Variants in PPP2R2C observed in about 807,000 individuals in gnomAD.
The protein encoded by PPP2R2C is protein phosphatase 2, regulatory subunit B, gamma.
A neutral mutation model predicts 45.3 loss-of-function variants in PPP2R2C; 10 were observed. That is an observed-to-expected ratio of 0.22 (90% CI 0.14 to 0.37). The LOEUF is 0.37. Ranked by LOEUF, PPP2R2C falls within the 10% of genes least tolerant of loss-of-function variation. The probability of loss-of-function intolerance (pLI) is 1.00; values close to 1 mark genes in which losing one functional copy is unlikely to be tolerated. For missense variants in PPP2R2C, 308 were observed against 619.7 expected, an observed-to-expected ratio of 0.50 and a Z score of 5.34; for synonymous variants, 257 against 245.4, an observed-to-expected ratio of 1.05 and a Z score of -0.44.
intron 2 of PPP2R2C, chr4:6,535,120 CA>C (rs1253323731): frequency 2.2e-6 from 2 of 889,596 alleles, no homozygotes; most frequent in Non-Finnish European, 3.3e-6. Context: ...GTCGGGGGCC[CA>C]GGGGCCAGAG....
At chr4:6,402,832 G>A (rs1332950196) in intron 1 of PPP2R2C, among the ~76,000 whole-genome samples, 2 of 152,210 alleles carry the variant, frequency 1.3e-5, no homozygotes, top group African/African-American at 2.4e-5. Flanking sequence ...GCATGCATGC[G>A]CCCAGCTGGA....
chr4:6,530,667 C>T (rs1724366994), intron 2 of PPP2R2C, among the ~76,000 whole-genome samples: 1 of 152,202 alleles, frequency 6.6e-6, no homozygotes, highest in African/African-American at 2.4e-5. Flanking sequence ...TGGGAATCAA[C>T]TTCTCTCAGC....
chr4:6,355,948 C>T (rs552308958), intron 5 of PPP2R2C, among the ~76,000 whole-genome samples: 22 of 137,178 alleles, frequency 1.6e-4, no homozygotes, highest in African/African-American at 5.3e-4. Context: ...GAGCTGAGAT[C>T]GTGCCACGTA....
intron 1 of PPP2R2C, chr4:6,535,413 A>G: frequency 7.1e-7 from 1 of 1,407,580 alleles, no homozygotes; most frequent in Non-Finnish European, 9.6e-7. Context: ...TTGAGGAATC[A>G]AAGAGCCTTG....
intron 1 of PPP2R2C, among the ~76,000 whole-genome samples, chr4:6,544,157 A>C (rs900974917): frequency 1.3e-5 from 2 of 152,210 alleles, no homozygotes; most frequent in Non-Finnish European, 2.9e-5. Flanking sequence ...GGCAGAGCAG[A>C]AAGACAGTGG....
chr4:6,503,494 A>G (rs1228843130), intron 2 of PPP2R2C, among the ~76,000 whole-genome samples: 1 of 152,184 alleles, frequency 6.6e-6, no homozygotes, highest in South Asian at 2.1e-4. Context: ...CACCAATGGG[A>G]CCTGTTTCTA....
chr4:6,384,341 G>A (rs1716071450), intron 1 of PPP2R2C: 4 of 985,484 alleles, frequency 4.1e-6, no homozygotes, highest in Non-Finnish European at 4.8e-6. Context: ...AATAAGCAAA[G>A]AAACTGGGCA....
chr4:6,323,410 G>C lies in PPP2R2C; in HGVS notation c.1236C>G (p.Thr412=). 6.2e-7 allele frequency: 1 copy of C among 1,614,094 alleles called. No homozygotes were observed. Among genetic ancestry groups the C allele is most frequent in the Non-Finnish European group, 8.5e-7 (1 of 1,179,948 alleles). Residue 412 remains threonine, a synonymous_variant, in exon 9 of 9, where the codon ACC becomes ACG. Coordinates refer to ENST00000382599, the MANE Select transcript of PPP2R2C (RefSeq NM_020416.4). The part of the protein sequence containing the change: ...DDISVDSLDF[T]KKILHTAWHP... ...GCCAGGCCGTGTGCAGGATCTTCTTGGTGAAGTCCAAGCTGTCCACACTGA... is the reference window on the plus strand; with the variant it reads ...GCCAGGCCGTGTGCAGGATCTTCTTCGTGAAGTCCAAGCTGTCCACACTGA...
At chr4:6,507,138 A>T (rs1255798885) in intron 2 of PPP2R2C, among the ~76,000 whole-genome samples, 2 of 152,218 alleles carry the variant, frequency 1.3e-5, no homozygotes, top group Admixed American at 1.3e-4. Flanking sequence ...AGAAAATTCC[A>T]AAGTTCCATC....
At chr4:6,535,672 T>C (rs1282922556) in intron 1 of PPP2R2C, among the ~76,000 whole-genome samples, 1 of 152,244 alleles carries the variant, frequency 6.6e-6, no homozygotes, top group African/African-American at 2.4e-5. Context: ...GTCGTTTGTC[T>C]TCAAACTTCA....
intron 1 of PPP2R2C, among the ~76,000 whole-genome samples, chr4:6,442,860 G>A (rs994338447): frequency 1.3e-5 from 2 of 152,224 alleles, no homozygotes; most frequent in Admixed American, 1.3e-4. Flanking sequence ...GCACCGAGCA[G>A]CTAGTGGCTG....
At chr4:6,363,747 C>A (rs1383717311) in intron 5 of PPP2R2C, among the ~76,000 whole-genome samples, 1 of 152,090 alleles carries the variant, frequency 6.6e-6, no homozygotes, top group South Asian at 2.1e-4. Context: ...CAAGGTCACA[C>A]ATAGCCAGAT....
chr4:6,326,521 T>C (rs2109152679), intron 8 of PPP2R2C, among the ~76,000 whole-genome samples: 1 of 152,210 alleles, frequency 6.6e-6, no homozygotes, highest in South Asian at 2.1e-4. Flanking sequence ...TTCCTCCGGG[T>C]AGGTAACCTG....
chr4:6,477,730 CA>C lies in PPP2R2C; in HGVS notation c.49+57540del, dbSNP rs5855918. Among the ~76,000 whole-genome samples the C allele has an allele frequency of 9.0e-3, 690 of 77,008 alleles. 2 individuals carry two copies. Among genetic ancestry groups the C allele is most frequent in the African/African-American group, 0.013 (224 of 16,726 alleles). The allele number at this position is 77,008 out of a possible 152,430, so 50.5% of individuals were successfully genotyped here. On this transcript the variant is annotated intron_variant, in intron 2 of 9. Coordinates refer to the PPP2R2C transcript ENST00000506140. ...TGGGCGACAGAGCGAGACTCCGTCT[CA>C]AAAAAAAAAAAAAAAAAAAAAACTG...
chr4:6,432,460 C>A (rs1352349639), intron 1 of PPP2R2C, among the ~76,000 whole-genome samples: 1 of 152,216 alleles, frequency 6.6e-6, no homozygotes, highest in African/African-American at 2.4e-5. Flanking sequence ...TCGTTTCCCC[C>A]TCTCCCCTCT....
chr4:6,380,565 T>C (rs1202472191), intron 2 of PPP2R2C, among the ~76,000 whole-genome samples: 1 of 151,892 alleles, frequency 6.6e-6, no homozygotes, highest in African/African-American at 2.4e-5. Context: ...CAGAGGAAGG[T>C]TTCACTGAAG....
chr4:6,394,093 G>A (rs930642890), intron 1 of PPP2R2C, among the ~76,000 whole-genome samples: 8 of 152,306 alleles, frequency 5.3e-5, no homozygotes, highest in Middle Eastern at 3.4e-3. Flanking sequence ...TCCTAAAGAC[G>A]AAGCTTGCCA....
intron 1 of PPP2R2C, among the ~76,000 whole-genome samples, chr4:6,422,261 G>T (rs1389225888): frequency 6.6e-6 from 1 of 152,186 alleles, no homozygotes; most frequent in African/African-American, 2.4e-5. Flanking sequence ...GCCGCCACTT[G>T]CGTGAGACCA....
intron 1 of PPP2R2C, among the ~76,000 whole-genome samples, chr4:6,398,728 C>T (rs375752142): frequency 4.6e-5 from 7 of 152,150 alleles, no homozygotes; most frequent in Non-Finnish European, 8.8e-5. Flanking sequence ...GTCTACCATG[C>T]GAACCAACCA....
Sources: allele counts gnomAD v4.1 joint callset (sites outside exome capture counted in the v4.1 genomes callset), GRCh38; gene constraint gnomAD v4.1.1; transcripts MANE v1.5; gene names NCBI Gene and HGNC (gene_info 2026-07-23, HGNC 2026-07-21).